Variants in STKLD1 observed in about 807,000 individuals in gnomAD.
STKLD1 encodes serine/threonine kinase-like domain-containing protein STKLD1.
STKLD1 carries 79 observed loss-of-function variants against 80.4 expected under a neutral mutation model. That is an observed-to-expected ratio of 0.98 (90% confidence interval 0.82 to 1.19). The LOEUF is 1.19. Ranked by LOEUF, STKLD1 falls within the 50% of genes most tolerant of loss-of-function variation. The pLI is 0.00. For synonymous variants in STKLD1, 393 were observed against 357.6 expected (o/e 1.10, Z -1.12); for missense variants, 841 against 856.0 (o/e 0.98, Z 0.22).
At position 133,385,913 on chromosome 9, in the gene STKLD1, G is replaced by T. The variant is rs1022219113; in HGVS notation, c.294+222G>T. 6.6e-6 allele frequency among the ~76,000 whole-genome samples: 1 copy of T among 151,652 alleles called. No individual in the cohort carries two copies. The highest frequency in any genetic ancestry group is 2.1e-4 in the South Asian group (1 of 4,802). ...TCATAGGAGCCCCAAAAACCTCATC[G>T]TCAGGAGAGTTTTTTTTTTTTTTGG... On this transcript the variant is annotated intron_variant, in intron 4 of 17. Transcript: ENST00000371957. This position sits in a 1 kb window ranked among gnomAD's most constrained non-coding sequence, Gnocchi z 4.9.
intron 10 of STKLD1, among the ~76,000 whole-genome samples, chr9:133,397,537 C>T (rs761335266): frequency 5.5e-4 from 83 of 152,162 alleles, no homozygotes; most frequent in Non-Finnish European, 1.0e-3. Flanking sequence ...CATAGCCTGG[C>T]CCCCACCTGT....
chr9:133,389,323 C>T lies in STKLD1; in HGVS notation c.397-203C>T, dbSNP rs1345665832. 1 of 985,232 alleles carries T rather than the reference C, an allele frequency of 1.0e-6. No individual in the cohort carries two copies. The highest frequency in any genetic ancestry group is 1.1e-4 in the East Asian group (1 of 8,812). The allele number at this position is 985,232 out of a possible 1,614,324, so 61.0% of individuals were successfully genotyped here. ...GTGTGGAGTCTGGAAACTCAGAGTC[C>T]TTCTGGCTGCCGCCGCGGCTTTACC... is the stretch of plus-strand genomic sequence containing the variant. On this transcript the variant is annotated intron_variant, in intron 5 of 17. Coordinates refer to ENST00000371957, the MANE Select transcript of STKLD1 (RefSeq NM_153710.5). This position sits in a 1 kb window ranked among gnomAD's most constrained non-coding sequence, Gnocchi z 6.4.
intron 17 of STKLD1, 25 bp downstream of exon 17, chr9:133,404,954 C>A (rs369709313): frequency 1.2e-6 from 2 of 1,609,792 alleles, no homozygotes; most frequent in African/African-American, 2.7e-5. Context: ...TCACCTCACA[C>A]TCCCTAGAGC....
intron 5 of STKLD1, chr9:133,387,789 G>A (rs2130280804): frequency 1.6e-6 from 1 of 626,672 alleles, no homozygotes; most frequent in East Asian, 3.2e-5. Flanking sequence ...ACACTAGAAG[G>A]TTCCCAGTCG....
At chr9:133,383,219 GTGATGGTGATGATAGTGA>G (rs1838182064) in intron 2 of STKLD1, among the ~76,000 whole-genome samples, 1 of 131,580 alleles carries the variant, frequency 7.6e-6, no homozygotes, top group African/African-American at 2.8e-5. Flanking sequence ...AATGATGGTG[GTGATGGTGATGATAGTGA>G]TGATGGTGAT....
chr9:133,381,429 G>A (rs2130266101), intron 2 of STKLD1, among the ~76,000 whole-genome samples: 40 of 144,932 alleles, frequency 2.8e-4, no homozygotes, highest in Admixed American at 1.6e-3. Context: ...GATTACAGGC[G>A]TGAGCCACCC....
At chr9:133,402,747 G>A (rs1838740809) in intron 13 of STKLD1, 131 bp from the exon 14 acceptor site, 3 of 994,696 alleles carry the variant, frequency 3.0e-6, no homozygotes, top group South Asian at 1.7e-5. Flanking sequence ...TCCATTGAGT[G>A]CACACGACTT....
Position 133,394,088 on chromosome 9 carries a change from CA to C in STKLD1, c.584-200del, listed in dbSNP as rs1357915796. On this transcript the variant is annotated intron_variant, in intron 7 of 17. Transcript: ENST00000371957. The surrounding 1 kb of genome is among the most constrained non-coding windows in gnomAD (Gnocchi z 4.9). ...CAGCTTCAGTGGCTCCAGATCAACA[CA>C]AAGCTCCCGCTGATTGGGGCCTCTT... is the stretch of plus-strand genomic sequence containing the variant. 1 of 604,722 alleles carries C rather than the reference CA, an allele frequency of 1.7e-6. No homozygotes were observed. Among genetic ancestry groups the C allele is most frequent in the East Asian group, 2.7e-5 (1 of 37,392 alleles). The allele number at this position is 604,722 out of a possible 1,614,324, so 37.5% of individuals were successfully genotyped here.
rs1376140066 is a variant in STKLD1 at position 133,404,831 on chromosome 9, G to C, written c.1775G>C (p.Ser592Thr). The C allele has an allele frequency of 1.9e-5, 30 of 1,613,312 alleles. No homozygotes were observed. Among genetic ancestry groups the C allele is most frequent in the Non-Finnish European group, 2.5e-5 (30 of 1,179,836 alleles). ...GTGGTGGTGCAGGAGGAGGGCGGCA[G>C]TGGCCTCAGCCTCATCAAGGAGACC... ...FKVVVQEEGG[S>T]GLSLIKETYQ... The change falls in exon 17 of 18, where the codon AGT becomes ACT. Residue 592 changes from serine to threonine, a missense_variant. By Grantham distance (58) the Ser-to-Thr change is moderately conservative (BLOSUM62 1). Transcript: ENST00000371957.
At chr9:133,383,655 AGTGATGGTGATGATG>A (rs1345110355) in intron 2 of STKLD1, among the ~76,000 whole-genome samples, 186 bp from the exon 3 acceptor site, 1 of 20,622 alleles carries the variant, frequency 4.8e-5, no homozygotes, top group Non-Finnish European at 1.1e-4. Context: ...TGATGATGGC[AGTGATGGTGATGATG>A]GTGATGGTGA....
At chr9:133,383,490 ATGATGGTGG>A (rs1228215076) in intron 2 of STKLD1, among the ~76,000 whole-genome samples, 578 of 19,884 alleles carry the variant, frequency 0.029, 12 homozygotes, top group African/African-American at 0.085. Context: ...TGTGATGGTG[ATGATGGTGG>A]TGATGGTGAT....
In STKLD1 at chr9:133,405,260, C is replaced by G; in HGVS notation, c.1882C>G (p.Leu628Val). 1 of 1,604,736 alleles carries G rather than the reference C, an allele frequency of 6.2e-7. No homozygotes were observed. ...TCCTGCTCCACCTGCAGAGGAGATC[C>G]TGCCGGAGCTGGTGTCCAGTAGTAT... The part of the protein sequence containing the change: ...LVHLASYEEI[L>V]PELVSSSMKA... The change falls in exon 18 of 18, where the codon CTG (leucine) becomes GTG (valine). Residue 628 changes from leucine (L) to valine (V), a missense_variant. Physicochemically the swap from Leu to Val is conservative, Grantham distance 32. Coordinates refer to ENST00000371957, the MANE Select transcript of STKLD1 (RefSeq NM_153710.5).
chr9:133,405,724 G>T lies in STKLD1; in HGVS notation c.*303G>T. 3.9e-6 allele frequency: 1 copy of T among 258,224 alleles called. No homozygotes were observed. The highest frequency in any genetic ancestry group is 7.4e-6 in the Non-Finnish European group (1 of 134,532). The allele number at this position is 258,224 out of a possible 1,614,324, so 16.0% of individuals were successfully genotyped here. A position where few individuals can be genotyped will look rare whatever the true frequency, so the allele number is the denominator to read the frequency against. On this transcript the variant is annotated 3_prime_UTR_variant, in exon 18 of 18. Transcript: ENST00000371957. ...AGCCACCTCTCCCAGCCCACTGGGT[G>T]GGGAAGCAGCTCAGCCCTGATGCGG... is the stretch of plus-strand genomic sequence containing the variant.
Position 133,400,597 on chromosome 9 carries a change from G to A in STKLD1, c.1198+68G>A, listed in dbSNP as rs1838677837. ...GCTGCTTCCTGCAGCTGTGCCTCCT[G>A]GGCCAAGGTGGGCACCGGGCCGGGT... On this transcript the variant is annotated intron_variant, in intron 12 of 17. Transcript: ENST00000371957. 10 of 1,298,772 alleles carry A rather than the reference G, an allele frequency of 7.7e-6. No individual in the cohort carries two copies. The Admixed American group carries it at 1.5e-4, about 20-fold the overall frequency. 80.5% of individuals were successfully genotyped at this position (1,298,772 alleles called of 1,614,324 possible). A position where few individuals can be genotyped will look rare whatever the true frequency, so the allele number is the denominator to read the frequency against.
Position 133,403,992 on chromosome 9 carries a change from G to A in STKLD1, c.1676G>A (p.Arg559Lys). 1 of 1,612,142 alleles carries A rather than the reference G, an allele frequency of 6.2e-7. No homozygotes were observed. The highest frequency in any genetic ancestry group is 8.5e-7 in the Non-Finnish European group (1 of 1,179,396). The change falls in exon 16 of 18, where the codon AGA becomes AAA. Residue 559 changes from arginine to lysine, a missense_variant. By Grantham distance (26) the Arg-to-Lys change is conservative. Coordinates refer to ENST00000371957, the MANE Select transcript of STKLD1 (RefSeq NM_153710.5). ...CAAAGCATCCGGCTGTGCCAGGACAGAGCCCTGCTGGTGAACAATGCCTAC... is the reference window on the plus strand; with the variant it reads ...CAAAGCATCCGGCTGTGCCAGGACAAAGCCCTGCTGGTGAACAATGCCTAC... ...LLQSIRLCQDRALLVNNAYRG... is the reference protein window; with the variant it reads ...LLQSIRLCQDKALLVNNAYRG...
intron 16 of STKLD1, among the ~76,000 whole-genome samples, chr9:133,404,486 C>T (rs1378252393): frequency 1.3e-5 from 2 of 152,210 alleles, no homozygotes; most frequent in Admixed American, 1.3e-4. Context: ...TGGGCCTGGC[C>T]AAGACACTAG....
chr9:133,377,825 A>G (rs1484541728), intron 1 of STKLD1, among the ~76,000 whole-genome samples: 3 of 152,228 alleles, frequency 2.0e-5, no homozygotes, highest in Admixed American at 6.5e-5. Flanking sequence ...GTTGTAATAC[A>G]TAATGAAATA....
chr9:133,399,632 T>C (rs887933498), intron 11 of STKLD1, among the ~76,000 whole-genome samples: 1 of 152,108 alleles, frequency 6.6e-6, no homozygotes, highest in Admixed American at 6.5e-5. Context: ...TCCCAGCACT[T>C]TGGGAGGGGC....
chr9:133,392,699 ATGAG>A lies in STKLD1; in HGVS notation c.584-1589_584-1586del, dbSNP rs1318568264. Among the ~76,000 whole-genome samples, 4 of 82,972 alleles carry A rather than the reference ATGAG, an allele frequency of 4.8e-5. No individual in the cohort carries two copies. In the East Asian group the frequency reaches 1.2e-3, roughly 26 times the overall value. The allele number at this position is 82,972 out of a possible 152,430, so 54.4% of individuals were successfully genotyped here. ...AGTGGATGGGTGAGTAGGTGAGTGGATGAGTGGATGGATGGATGAGTGGATGGAT... is the reference window on the plus strand; with the variant it reads ...AGTGGATGGGTGAGTAGGTGAGTGGATGGATGGATGGATGAGTGGATGGAT... On this transcript the variant is annotated intron_variant, in intron 7 of 17. Transcript: ENST00000371957.
Sources: gnomAD v4.1 joint callset for allele counts (sites outside exome capture counted in the v4.1 genomes callset) on GRCh38, gnomAD v4.1.1 for gene constraint, Gnocchi (gnomAD v3.1) non-coding constraint, MANE v1.5 for transcripts, NCBI Gene and HGNC (gene_info 2026-07-23, HGNC 2026-07-21) for gene names.